ADAMTS6: variants seen among roughly 807,000 people sequenced by gnomAD.
The protein encoded by ADAMTS6 is A disintegrin and metalloproteinase with thrombospondin motifs 6.
ADAMTS6 carries 23 observed loss-of-function variants against 144.3 expected under a neutral mutation model. That is an observed-to-expected ratio of 0.16 (90% CI 0.11 to 0.23). The LOEUF (loss-of-function observed/expected upper bound fraction) is 0.23, where lower values mean the gene tolerates loss of function less well. ADAMTS6 is among the 10% of genes least tolerant of loss of function. The pLI is 1.00. For synonymous variants in ADAMTS6, 444 were observed against 457.5 expected, an observed-to-expected ratio of 0.97 and a Z score of 0.38; for missense variants, 999 against 1,379.6, an observed-to-expected ratio of 0.72 and a Z score of 4.37.
intron 3 of ADAMTS6, among the ~76,000 whole-genome samples, chr5:65,464,866 G>A (rs1260172494): frequency 1.3e-5 from 2 of 152,116 alleles, no homozygotes; most frequent in Non-Finnish European, 2.9e-5. Flanking sequence ...TTATCCCCAT[G>A]AGGTCCCATA....
intron 12 of ADAMTS6, among the ~76,000 whole-genome samples, chr5:65,266,048 C>G (rs1002088391): frequency 1.3e-4 from 20 of 151,180 alleles, no homozygotes; most frequent in African/African-American, 4.9e-4. Context: ...TTTGTATATA[C>G]CTATGATTTG....
intron 7 of ADAMTS6, among the ~76,000 whole-genome samples, chr5:65,421,486 C>T (rs747514512): frequency 2.0e-5 from 3 of 152,178 alleles, no homozygotes; most frequent in Non-Finnish European, 4.4e-5. Context: ...GCTTTGGTCT[C>T]ACTGCTCTTA....
chr5:65,253,894 C>G (rs112259653), intron 14 of ADAMTS6, among the ~76,000 whole-genome samples: 1 of 127,410 alleles, frequency 7.8e-6, no homozygotes, highest in Non-Finnish European at 1.6e-5. Flanking sequence ...GTGATGCGAT[C>G]TCGGCTCACT....
At chr5:65,296,709 C>G (rs1251971790) in intron 10 of ADAMTS6, among the ~76,000 whole-genome samples, 1 of 152,140 alleles carries the variant, frequency 6.6e-6, no homozygotes, top group African/African-American at 2.4e-5. Flanking sequence ...CACCTTTCTT[C>G]CTAGGTCAAC....
intron 7 of ADAMTS6, among the ~76,000 whole-genome samples, chr5:65,369,768 T>C (rs1319200033): frequency 1.3e-5 from 2 of 152,176 alleles, no homozygotes; most frequent in Admixed American, 1.3e-4. Context: ...TATATGAATA[T>C]GAGCTATCTG....
At chr5:65,215,508 C>T (rs1464477394) in intron 18 of ADAMTS6, 21 bp from the exon 19 acceptor site, 1 of 1,589,020 alleles carries the variant, frequency 6.3e-7, no homozygotes, top group East Asian at 2.2e-5. Flanking sequence ...AATCACAATT[C>T]ACCTAAAAAT....
chr5:65,467,457 T>TA (rs1051856314), intron 3 of ADAMTS6, among the ~76,000 whole-genome samples: 1 of 151,914 alleles, frequency 6.6e-6, no homozygotes, highest in African/African-American at 2.4e-5. Flanking sequence ...TTTTTTTAAC[T>TA]AAAAAAAATT....
At chr5:65,216,156 T>C (rs1756903551) in intron 18 of ADAMTS6, among the ~76,000 whole-genome samples, 1 of 152,166 alleles carries the variant, frequency 6.6e-6, no homozygotes, top group African/African-American at 2.4e-5. Context: ...AGTAGCACTA[T>C]TTCCAGTAGC....
chr5:65,286,090 C>G (rs549886788), intron 11 of ADAMTS6, among the ~76,000 whole-genome samples: 2 of 152,266 alleles, frequency 1.3e-5, no homozygotes, highest in African/African-American at 4.8e-5. Flanking sequence ...GAAATGTTAT[C>G]ACGGATGACA....
chr5:65,474,736 A>G (rs1170501417), intron 1 of ADAMTS6, among the ~76,000 whole-genome samples: 5 of 150,778 alleles, frequency 3.3e-5, no homozygotes, highest in South Asian at 2.1e-4. Context: ...CGCATACAGC[A>G]GATCAGAAGA....
At chr5:65,477,303 A>G (rs944095421) in intron 1 of ADAMTS6, among the ~76,000 whole-genome samples, 19 of 152,334 alleles carry the variant, frequency 1.2e-4, no homozygotes, top group Non-Finnish European at 2.5e-4. Context: ...TCCTTTAAAA[A>G]ACATATACTT....
intron 7 of ADAMTS6, among the ~76,000 whole-genome samples, chr5:65,355,123 G>A (rs929330083): frequency 3.3e-5 from 5 of 151,512 alleles, no homozygotes; most frequent in African/African-American, 1.2e-4. Flanking sequence ...CTTGTTGTTT[G>A]TTGGCCAAAT....
chr5:65,333,931 A>C, intron 8 of ADAMTS6, 111 bp downstream of exon 8: 2 of 1,164,774 alleles, frequency 1.7e-6, no homozygotes, highest in South Asian at 3.2e-5. Flanking sequence ...AAGGAAAATG[A>C]CCAAATTAAT....
chr5:65,220,721 T>C (rs1757263759), intron 18 of ADAMTS6, among the ~76,000 whole-genome samples: 1 of 151,944 alleles, frequency 6.6e-6, no homozygotes, highest in Non-Finnish European at 1.5e-5. Flanking sequence ...CACTCCAGCC[T>C]GGGCAACAGA....
chr5:65,161,562 T>G (rs1389186633), intron 24 of ADAMTS6, among the ~76,000 whole-genome samples: 1 of 152,192 alleles, frequency 6.6e-6, no homozygotes, highest in African/African-American at 2.4e-5. Context: ...TGCAAACTGC[T>G]CCACACAACA....
At chr5:65,318,074 C>CAA (rs78876970) in intron 9 of ADAMTS6, among the ~76,000 whole-genome samples, 4,561 of 62,862 alleles carry the variant, frequency 0.073, 407 homozygotes, top group African/African-American at 0.22. Flanking sequence ...GACTCCATCT[C>CAA]AAAAAAAAAA....
At chr5:65,413,030 T>C (rs1755187207) in intron 7 of ADAMTS6, among the ~76,000 whole-genome samples, 1 of 152,120 alleles carries the variant, frequency 6.6e-6, no homozygotes, top group African/African-American at 2.4e-5. Context: ...AACCTACGTA[T>C]CAAAAATCAA....
Position 65,296,590 on chromosome 5 carries a change from T to C in ADAMTS6, c.1370+3395A>G, listed in dbSNP as rs184014171. On this transcript the variant is annotated intron_variant, in intron 10 of 24. Coordinates refer to ENST00000381055, the MANE Select transcript of ADAMTS6 (RefSeq NM_197941.4). ...AAAGGTCCCATCTATAAAGATTGTT[T>C]TTTATATAATAGTCTGATGTTGACC... Among the ~76,000 whole-genome samples, 28 of 152,326 alleles carry C rather than the reference T, an allele frequency of 1.8e-4. No individual in the cohort carries two copies. The East Asian group carries it at 5.2e-3, about 28-fold the overall frequency.
At chr5:65,324,255 T>G (rs558075921) in intron 9 of ADAMTS6, among the ~76,000 whole-genome samples, 55 of 152,312 alleles carry the variant, frequency 3.6e-4, no homozygotes, top group African/African-American at 1.1e-3. Context: ...GGAAAAAAGA[T>G]GAACCTCAAC....
Sources: gnomAD v4.1 joint callset for allele counts (sites outside exome capture counted in the v4.1 genomes callset) on GRCh38, gnomAD v4.1.1 for gene constraint, MANE v1.5 for transcripts, NCBI Gene and HGNC (gene_info 2026-07-23, HGNC 2026-07-21) for gene names.